Variants in F8 observed in about 807,000 individuals in gnomAD.
F8 encodes coagulation factor VIII, also known as antihemophilic factor.
Under a neutral mutation model 140.6 loss-of-function variants are expected in F8, and 12 were observed. That is an observed-to-expected ratio of 0.09 (90% CI 0.05 to 0.14). The LOEUF (loss-of-function observed/expected upper bound fraction) is 0.14, where lower values mean the gene tolerates loss of function less well. Among genes scored for constraint, F8 ranks in the 10% least tolerant of loss-of-function variants. F8 has a pLI of 1.00. For missense variants in F8, 1,354 were observed against 1,720.7 expected (o/e 0.79, Z 3.77); for synonymous variants, 585 against 614.6 (o/e 0.95, Z 0.71).
intron 14 of F8, among the ~76,000 whole-genome samples, chrX:154,926,029 C>A (rs894042147): frequency 2.7e-5 from 3 of 111,837 alleles, no homozygotes; most frequent in Non-Finnish European, 5.6e-5. Flanking sequence ...GGCAGTAGGT[C>A]CTTCCCTTGC....
At chrX:154,911,197 T>A (rs782166840) in intron 14 of F8, among the ~76,000 whole-genome samples, 1 of 108,503 alleles carries the variant, frequency 9.2e-6, no homozygotes, top group Non-Finnish European at 1.9e-5. Flanking sequence ...CTGGGCCCAC[T>A]TTTCTTTCCT....
At chrX:154,940,179 A>G (rs781967588) in intron 13 of F8, among the ~76,000 whole-genome samples, 1 of 112,148 alleles carries the variant, frequency 8.9e-6, no homozygotes, top group Non-Finnish European at 1.9e-5. Flanking sequence ...GACTTTGATG[A>G]GTTGAGAGAG....
In F8 at chrX:154,928,595, C is replaced by T; in HGVS notation, c.5195G>A (p.Ser1732Asn). ...CCTGTTTCTTAGAACATGTGGGGAG[C>T]TACTCATCCCATAATCCCAGAGCCT... ...VERLWDYGMS[S>N]SPHVLRNRAQ... Residue 1732 changes from serine to asparagine, a missense_variant, in exon 14 of 26, where the codon AGC (serine) becomes AAC (asparagine). Ser to Asn is a conservative substitution (Grantham distance 46). Around this residue, in one of 4 missense-constraint regions of F8, gnomAD observed 316 missense variants for 485.4 expected, o/e 0.65. Transcript: ENST00000360256. 1 of 1,209,457 alleles carries T rather than the reference C, an allele frequency of 8.3e-7. No homozygotes were observed. Among genetic ancestry groups the T allele is most frequent in the Non-Finnish European group, 1.1e-6 (1 of 893,340 alleles).
intron 13 of F8, among the ~76,000 whole-genome samples, chrX:154,947,019 A>T (rs1485624618): frequency 9.1e-6 from 1 of 110,071 alleles, no homozygotes; most frequent in Non-Finnish European, 1.9e-5. Context: ...AGGTCAGGAA[A>T]TCGAGACCAT....
At position 154,954,048 on chromosome X, in the gene F8, A is replaced by G; in HGVS notation, c.1753-6T>C. On this transcript the variant is annotated splice_polypyrimidine_tract_variant and splice_region_variant and intron_variant, in intron 11 of 25. Coordinates refer to ENST00000360256, the MANE Select transcript of F8 (RefSeq NM_000132.4). Reference sequence around the variant, plus strand: ...TTCCTCTTGTCTGACATTATCTGTTAATTACATATATTGAAAGGGGTAAAG... The same window carrying G: ...TTCCTCTTGTCTGACATTATCTGTTGATTACATATATTGAAAGGGGTAAAG... 3 of 1,209,089 alleles carry G rather than the reference A, an allele frequency of 2.5e-6. No homozygotes were observed. The highest frequency in any genetic ancestry group is 3.4e-6 in the Non-Finnish European group (3 of 893,021).
intron 14 of F8, among the ~76,000 whole-genome samples, chrX:154,924,139 C>G (rs1163494511): frequency 8.9e-6 from 1 of 111,845 alleles, no homozygotes; most frequent in Non-Finnish European, 1.9e-5. Context: ...TGTAAATTTC[C>G]CAGTCTCAGG....
At chrX:154,867,535 A>G (rs2072739859) in intron 22 of F8, among the ~76,000 whole-genome samples, 1 of 108,584 alleles carries the variant, frequency 9.2e-6, no homozygotes, top group Non-Finnish European at 1.9e-5. Flanking sequence ...AAAAAATACA[A>G]AAATTAGCTG....
intron 1 of F8, among the ~76,000 whole-genome samples, chrX:155,012,875 G>C (rs782386653): frequency 1.8e-5 from 2 of 110,341 alleles, no homozygotes; most frequent in South Asian, 7.6e-4. Context: ...AGCCGGGCGC[G>C]GTGGCTCACG....
At chrX:154,974,982 CTT>C (rs1374008638) in intron 6 of F8, among the ~76,000 whole-genome samples, 83 of 111,609 alleles carry the variant, frequency 7.4e-4, no homozygotes, top group African/African-American at 2.4e-3. Flanking sequence ...TTTATTATCA[CTT>C]AGTCTGGCTA....
At chrX:154,982,053 A>G (rs782438721) in intron 6 of F8, among the ~76,000 whole-genome samples, 1 of 109,878 alleles carries the variant, frequency 9.1e-6, no homozygotes, top group East Asian at 2.9e-4. Context: ...GCGTGGTGGC[A>G]CATGCCTGTA....
intron 13 of F8, among the ~76,000 whole-genome samples, chrX:154,945,175 A>T (rs782298803): frequency 9.9e-5 from 11 of 111,198 alleles, no homozygotes; most frequent in South Asian, 3.8e-4. Context: ...ATAATAATAA[A>T]AAAAAAGAAC....
chrX:154,982,379 C>G (rs1268920613), intron 6 of F8, among the ~76,000 whole-genome samples: 1 of 93,314 alleles, frequency 1.1e-5, no homozygotes, highest in Non-Finnish European at 2.1e-5. Context: ...CCCCGGGGGG[C>G]AGAGCCTGCA....
intron 21 of F8, among the ~76,000 whole-genome samples, chrX:154,898,555 T>C (rs782807679): frequency 8.9e-6 from 1 of 112,268 alleles, no homozygotes; most frequent in African/African-American, 3.2e-5. Flanking sequence ...CTCAGTCACT[T>C]ATTAGCCATG....
At chrX:154,873,169 A>C (rs1007454931) in intron 22 of F8, among the ~76,000 whole-genome samples, 1 of 110,116 alleles carries the variant, frequency 9.1e-6, no homozygotes, top group Non-Finnish European at 1.9e-5. Context: ...CTTCACAGAA[A>C]TAAAAAAAAA....
intron 22 of F8, among the ~76,000 whole-genome samples, chrX:154,895,149 A>G (rs1423792187): frequency 8.9e-6 from 1 of 112,143 alleles, no homozygotes; most frequent in African/African-American, 3.2e-5. Flanking sequence ...AGAAGAATAA[A>G]TATGCCAATC....
intron 1 of F8, among the ~76,000 whole-genome samples, chrX:155,017,559 G>A: frequency 8.9e-6 from 1 of 112,476 alleles, no homozygotes; most frequent in Non-Finnish European, 1.9e-5. Context: ...TGAAAAAAAT[G>A]AAAAGAAAAC....
intron 1 of F8, among the ~76,000 whole-genome samples, chrX:155,013,094 C>T (rs1412782958): frequency 6.4e-5 from 6 of 93,760 alleles, no homozygotes; most frequent in East Asian, 3.2e-4. Context: ...TGCAGTGAGC[C>T]GAGATCGCAC....
chrX:154,900,432 C>T (rs1557275850), intron 20 of F8, among the ~76,000 whole-genome samples: 1 of 110,954 alleles, frequency 9.0e-6, no homozygotes, highest in African/African-American at 3.3e-5. Context: ...CGGAGTTTCA[C>T]CATGTTGGCC....
chrX:154,937,373 G>A (rs1269873251), intron 13 of F8, among the ~76,000 whole-genome samples: 2 of 109,682 alleles, frequency 1.8e-5, no homozygotes, highest in South Asian at 3.8e-4. Flanking sequence ...TAACAAAGGC[G>A]ACAAACTTTT....
Sources: gnomAD v4.1 joint callset for allele counts (sites outside exome capture counted in the v4.1 genomes callset) on GRCh38, gnomAD v4.1.1 for gene constraint, gnomAD v4.1.1 regional missense constraint, MANE v1.5 for transcripts, NCBI Gene and HGNC (gene_info 2026-07-23, HGNC 2026-07-21) for gene names.